The following ASPH variants were observed in gnomAD, a reference collection of about 807,000 sequenced individuals.
ASPH encodes the protein aspartyl/asparaginyl beta-hydroxylase.
Under a neutral mutation model 118.4 loss-of-function variants are expected in ASPH, and 100 were observed. The ratio of observed to expected loss-of-function variants is 0.84; its 90% CI spans 0.72 to 1.00. The LOEUF is 1.00. ASPH is among the 50% of genes least tolerant of loss of function. The pLI is 0.00. For synonymous variants in ASPH, 315 were observed against 325.6 expected (o/e 0.97, Z 0.35); for missense variants, 920 against 919.5 (o/e 1.00, Z -0.01).
chr8:61,536,197 GC>G (rs1301832237), intron 21 of ASPH, among the ~76,000 whole-genome samples: 1 of 151,948 alleles, frequency 6.6e-6, no homozygotes, highest in African/African-American at 2.4e-5. Flanking sequence ...CCGCCACCAT[GC>G]CTGGCTAATT....
chr8:61,665,040 A>T, intron 3 of ASPH: 3 of 1,295,082 alleles, frequency 2.3e-6, no homozygotes, highest in Non-Finnish European at 2.9e-6. Context: ...ATTACATCAT[A>T]TTCTATGACA....
intron 4 of ASPH, 40 bp from the exon 5 acceptor site, chr8:61,651,164 A>G: frequency 7.2e-6 from 11 of 1,518,848 alleles, no homozygotes; most frequent in Non-Finnish European, 1.0e-5. Context: ...GAAAAGCTCA[A>G]ACATCAACAT....
intron 1 of ASPH, among the ~76,000 whole-genome samples, chr8:61,707,742 T>C (rs1837047792): frequency 6.6e-6 from 1 of 152,058 alleles, no homozygotes; most frequent in Non-Finnish European, 1.5e-5. Context: ...GAACTACATA[T>C]GTGAAAATAA....
chr8:61,517,293 A>G (rs990052212), intron 24 of ASPH: 54 of 498,682 alleles, frequency 1.1e-4, no homozygotes, highest in Non-Finnish European at 1.6e-4. Flanking sequence ...CCTCAACTAG[A>G]TAAGTACTCT....
chr8:61,597,421 C>A (rs1019154642), intron 14 of ASPH, among the ~76,000 whole-genome samples: 1 of 151,954 alleles, frequency 6.6e-6, no homozygotes, highest in African/African-American at 2.4e-5. Flanking sequence ...ACCAAATAAC[C>A]AAATGTCCTA....
At chr8:61,512,503 C>A (rs1809284948) in intron 24 of ASPH, among the ~76,000 whole-genome samples, 1 of 152,166 alleles carries the variant, frequency 6.6e-6, no homozygotes, top group Admixed American at 6.5e-5. Context: ...CTTAGAGCCT[C>A]CAGAAGGAAC....
intron 14 of ASPH, among the ~76,000 whole-genome samples, chr8:61,607,714 C>T (rs1846036668): frequency 6.6e-6 from 1 of 152,034 alleles, no homozygotes; most frequent in Admixed American, 6.6e-5. Flanking sequence ...CTTCTGAGTA[C>T]AAAGCACAGC....
At chr8:61,545,258 A>G (rs1049684592) in intron 21 of ASPH, among the ~76,000 whole-genome samples, 5 of 152,232 alleles carry the variant, frequency 3.3e-5, no homozygotes, top group Non-Finnish European at 5.9e-5. Context: ...TCTCTTTTCC[A>G]TCATGTGAAG....
At chr8:61,530,747 G>A (rs1353141263) in intron 21 of ASPH, among the ~76,000 whole-genome samples, 2 of 151,970 alleles carry the variant, frequency 1.3e-5, no homozygotes, top group African/African-American at 4.8e-5. Context: ...ATTACTACAG[G>A]TCTTATAATG....
Position 61,644,613 on chromosome 8 carries a change from G to A in ASPH, c.639C>T (p.His213=), listed in dbSNP as rs755986366. The A allele has an allele frequency of 8.8e-6, 14 of 1,582,192 alleles. No individual in the cohort carries two copies. Among genetic ancestry groups the A allele is most frequent in the African/African-American group, 2.7e-5 (2 of 73,480 alleles). The part of the protein sequence containing the change: ...VSHEETEHSY[H]VEETVSQDCN... ...TTAAAATCTCACCTGTCTCTTCCACGTGGTAACTATGCTCGGTTTCTGGAA... is the reference window on the plus strand; with the variant it reads ...TTAAAATCTCACCTGTCTCTTCCACATGGTAACTATGCTCGGTTTCTGGAA... The change falls in exon 7 of 25, where the codon CAC becomes CAT. Residue 213 remains histidine, a synonymous_variant. Coordinates refer to ENST00000379454, the MANE Select transcript of ASPH (RefSeq NM_004318.4).
chr8:61,705,758 G>A (rs915500791), intron 1 of ASPH, among the ~76,000 whole-genome samples: 6 of 151,978 alleles, frequency 3.9e-5, no homozygotes, highest in East Asian at 1.9e-4. Flanking sequence ...AATTCACTAC[G>A]TGAAAATTTT....
At chr8:61,709,746 A>T (rs1837622306) in intron 1 of ASPH, among the ~76,000 whole-genome samples, 1 of 152,352 alleles carries the variant, frequency 6.6e-6, no homozygotes, top group Admixed American at 6.5e-5. Flanking sequence ...ATATTAAAAC[A>T]GTGGCTGGAG....
chr8:61,644,721 C>T (rs1807001318), intron 6 of ASPH, 89 bp from the exon 7 acceptor site: 4 of 982,712 alleles, frequency 4.1e-6, no homozygotes, highest in Non-Finnish European at 5.7e-6. Flanking sequence ...CTATGCTTAT[C>T]ATTAATTTTA....
chr8:61,673,854 T>A (rs76629767), intron 3 of ASPH, among the ~76,000 whole-genome samples: 4,929 of 152,214 alleles, frequency 0.032, 212 homozygotes, highest in South Asian at 0.19. Context: ...TAGGCACAAG[T>A]TGACGGAAGT....
intron 18 of ASPH, among the ~76,000 whole-genome samples, chr8:61,562,128 T>C (rs532808591): frequency 2.0e-4 from 31 of 152,190 alleles, no homozygotes; most frequent in Non-Finnish European, 3.5e-4. Flanking sequence ...ATCCTGTTCA[T>C]TCTGTACCAA....
At position 61,647,868 on chromosome 8, in the gene ASPH, T is replaced by C. The variant is rs563651395; in HGVS notation, c.491-990A>G. On this transcript the variant is annotated intron_variant, in intron 5 of 24. Coordinates refer to ENST00000379454, the MANE Select transcript of ASPH (RefSeq NM_004318.4). ...CTGCTCTGCTTCTTTTGTGTAGAGGTTGGACATGTTGCATGATTCCACTGC... is the reference window on the plus strand; with the variant it reads ...CTGCTCTGCTTCTTTTGTGTAGAGGCTGGACATGTTGCATGATTCCACTGC... Among the ~76,000 whole-genome samples, 11 of 152,306 alleles carry C rather than the reference T, an allele frequency of 7.2e-5. No homozygotes were observed. The East Asian group carries it at 1.5e-3, about 21-fold the overall frequency.
At chr8:61,539,216 G>C (rs1820769597) in intron 21 of ASPH, among the ~76,000 whole-genome samples, 1 of 152,110 alleles carries the variant, frequency 6.6e-6, no homozygotes, top group South Asian at 2.1e-4. Context: ...ACCCCAGACT[G>C]GGCGACAGAG....
intron 1 of ASPH, among the ~76,000 whole-genome samples, chr8:61,690,663 G>A (rs1326610498): frequency 1.3e-5 from 2 of 152,056 alleles, no homozygotes; most frequent in African/African-American, 4.8e-5. Flanking sequence ...TCTAGAGCAG[G>A]CAGCAACCTT....
intron 14 of ASPH, chr8:61,606,386 T>C (rs1221877768): frequency 1.3e-5 from 2 of 152,204 alleles, no homozygotes; most frequent in Non-Finnish European, 2.9e-5. Flanking sequence ...ATCAAGGTTA[T>C]TACCTGAAAC....
Sources: gnomAD v4.1 joint callset for allele counts (sites outside exome capture counted in the v4.1 genomes callset) on GRCh38, gnomAD v4.1.1 for gene constraint, MANE v1.5 for transcripts, NCBI Gene and HGNC (gene_info 2026-07-23, HGNC 2026-07-21) for gene names.